Variants in ULK4 observed in about 807,000 individuals in gnomAD.
The protein encoded by ULK4 is unc-51 like kinase 4.
In ULK4, 133 loss-of-function variants were observed where a neutral mutation model predicts 160.6. That is an observed-to-expected ratio of 0.83 (90% CI 0.72 to 0.96). The LOEUF is 0.96. Among genes scored for constraint, ULK4 ranks in the 40% least tolerant of loss-of-function variants. ULK4 has a pLI of 0.00. For synonymous variants in ULK4, 534 were observed against 539.8 expected (o/e 0.99, Z 0.15); for missense variants, 1,580 against 1,499.5 (o/e 1.05, Z -0.89).
At chr3:41,796,730 CAT>C (rs1323858201) in intron 20 of ULK4, among the ~76,000 whole-genome samples, 1 of 152,080 alleles carries the variant, frequency 6.6e-6, no homozygotes, top group Non-Finnish European at 1.5e-5. Flanking sequence ...TGCATGGGTA[CAT>C]ATATTTTATC....
At chr3:41,587,629 T>C (rs1416894866) in intron 31 of ULK4, among the ~76,000 whole-genome samples, 2 of 152,216 alleles carry the variant, frequency 1.3e-5, no homozygotes, top group African/African-American at 2.4e-5. Context: ...AGCCTTTATC[T>C]ACTTGATTGT....
At chr3:41,756,731 A>C (rs1307520178) in intron 21 of ULK4, among the ~76,000 whole-genome samples, 1 of 146,992 alleles carries the variant, frequency 6.8e-6, no homozygotes, top group Non-Finnish European at 1.5e-5. Flanking sequence ...GATGAAAACG[A>C]AGAAAGTTCC....
intron 34 of ULK4, among the ~76,000 whole-genome samples, chr3:41,405,393 T>G (rs1332009125): frequency 6.6e-6 from 1 of 152,208 alleles, no homozygotes; most frequent in Non-Finnish European, 1.5e-5. Flanking sequence ...GGCACCTAGG[T>G]TGACTCCATG....
At chr3:41,497,132 A>G (rs879283968) in intron 32 of ULK4, among the ~76,000 whole-genome samples, 36 of 152,164 alleles carry the variant, frequency 2.4e-4, no homozygotes, top group Non-Finnish European at 4.6e-4. Context: ...TAAAAAGAAA[A>G]TATGGTTATA....
At chr3:41,458,018 G>A (rs35599215) in intron 33 of ULK4, among the ~76,000 whole-genome samples, 30,854 of 152,024 alleles carry the variant, frequency 0.2, 3,677 homozygotes, top group East Asian at 0.54. Flanking sequence ...AAAAAAGAGG[G>A]AAATTTTAAG....
chr3:41,863,345 T>C (rs1242655183), intron 17 of ULK4, among the ~76,000 whole-genome samples: 1 of 152,142 alleles, frequency 6.6e-6, no homozygotes, highest in Non-Finnish European at 1.5e-5. Flanking sequence ...TTCAGGACAG[T>C]GGGCTCCCCC....
At chr3:41,930,917 G>A (rs574320843) in intron 5 of ULK4, among the ~76,000 whole-genome samples, 27 of 152,262 alleles carry the variant, frequency 1.8e-4, no homozygotes, top group Admixed American at 4.6e-4. Context: ...CAACCATTGC[G>A]GAGGACAATT....
intron 19 of ULK4, 88 bp from the exon 20 acceptor site, chr3:41,800,381 C>T (rs17215883): frequency 0.13 from 179,258 of 1,338,746 alleles, 12,861 homozygotes; most frequent in Middle Eastern, 0.22. Flanking sequence ...TGTTATGATA[C>T]CAAGACAGTA....
In ULK4 at chr3:41,312,780, C is replaced by G. The variant is rs972019715; in HGVS notation, c.3679-63206G>C. 3.3e-5 allele frequency among the ~76,000 whole-genome samples: 5 copies of G among 152,256 alleles called. No individual in the cohort carries two copies. In the East Asian group the frequency reaches 9.6e-4, roughly 29 times the overall value. On this transcript the variant is annotated intron_variant, in intron 35 of 36. Coordinates refer to ENST00000301831, the MANE Select transcript of ULK4 (RefSeq NM_017886.4). The stretch of plus-strand genomic sequence containing the variant: ...CTATGATCATACCACTGCACTCCAG[C>G]CTGGGCAACAGAGTGAGACCCTGTC...
chr3:41,906,855 T>C (rs977029216), intron 12 of ULK4, among the ~76,000 whole-genome samples: 4 of 152,154 alleles, frequency 2.6e-5, no homozygotes, highest in African/African-American at 7.2e-5. Context: ...TAGCTGGACA[T>C]GGTGACGCAC....
intron 31 of ULK4, among the ~76,000 whole-genome samples, chr3:41,593,402 A>T (rs2031481632): frequency 7.6e-6 from 1 of 131,044 alleles, no homozygotes; most frequent in Non-Finnish European, 1.8e-5. Flanking sequence ...ACACACATGC[A>T]TGCACACACA....
At chr3:41,558,937 A>T (rs1242090358) in intron 32 of ULK4, among the ~76,000 whole-genome samples, 2 of 140,532 alleles carry the variant, frequency 1.4e-5, no homozygotes, top group African/African-American at 5.0e-5. Context: ...CAGGTTAGTT[A>T]CATATGTATA....
At chr3:41,373,901 A>G (rs942238056) in intron 35 of ULK4, among the ~76,000 whole-genome samples, 5 of 152,222 alleles carry the variant, frequency 3.3e-5, no homozygotes, top group Admixed American at 2.0e-4. Context: ...CAGACTAATA[A>G]AAAAGAAAAG....
intron 35 of ULK4, among the ~76,000 whole-genome samples, chr3:41,332,740 G>A (rs1197717572): frequency 6.6e-6 from 1 of 152,124 alleles, no homozygotes; most frequent in African/African-American, 2.4e-5. Flanking sequence ...GGGTATGATT[G>A]ATCTTGTCAC....
intron 17 of ULK4, chr3:41,882,245 A>T (rs1422160837): frequency 1.4e-6 from 1 of 702,998 alleles, no homozygotes; most frequent in Non-Finnish European, 2.6e-6. Flanking sequence ...GTTGAACAAG[A>T]CAGTTCAAAA....
chr3:41,536,873 T>C (rs1191616297), intron 32 of ULK4, among the ~76,000 whole-genome samples: 1 of 152,208 alleles, frequency 6.6e-6, no homozygotes, highest in Non-Finnish European at 1.5e-5. Flanking sequence ...TTTGTTTTTT[T>C]CATTTCTCTA....
At chr3:41,442,995 T>C (rs72869568) in intron 34 of ULK4, among the ~76,000 whole-genome samples, 2,493 of 152,268 alleles carry the variant, frequency 0.016, 76 homozygotes, top group African/African-American at 0.055. Flanking sequence ...CATCCTGCTT[T>C]CTAATATGGC....
chr3:41,863,002 GGTGGCAAA>G (rs746444053), intron 17 of ULK4, among the ~76,000 whole-genome samples: 6 of 151,588 alleles, frequency 4.0e-5, no homozygotes, highest in Non-Finnish European at 8.8e-5. Context: ...ACAATCAGCA[GGTGGCAAA>G]GCCAGCCAGG....
chr3:41,343,295 CTTTTTTT>C (rs55691966), intron 35 of ULK4, among the ~76,000 whole-genome samples: 6 of 85,376 alleles, frequency 7.0e-5, no homozygotes, highest in African/African-American at 1.3e-4. Context: ...AGCCCAAAAA[CTTTTTTT>C]TTTTTTTTTT....
Sources: gnomAD v4.1 joint callset for allele counts (sites outside exome capture counted in the v4.1 genomes callset) on GRCh38, gnomAD v4.1.1 for gene constraint, MANE v1.5 for transcripts, NCBI Gene and HGNC (gene_info 2026-07-23, HGNC 2026-07-21) for gene names.